NLGN1: variants seen among roughly 807,000 people sequenced by gnomAD.
The protein encoded by NLGN1 is neuroligin 1, also known as neuroligin-1.
A neutral mutation model predicts 65.5 loss-of-function variants in NLGN1; 12 were observed. That is an observed-to-expected ratio of 0.18 (90% CI 0.12 to 0.30). The LOEUF (loss-of-function observed/expected upper bound fraction) is 0.30, where lower values mean the gene tolerates loss of function less well. Ranked by LOEUF, NLGN1 falls within the 10% of genes least tolerant of loss-of-function variation. The probability of loss-of-function intolerance (pLI) is 1.00; values close to 1 mark genes in which losing one functional copy is unlikely to be tolerated. For synonymous variants in NLGN1, 350 were observed against 359.5 expected (o/e 0.97, Z 0.30); for missense variants, 750 against 1,007.1 (o/e 0.74, Z 3.46).
At chr3:173,702,777 GTGCAGTTAGGAGGAAAAAAA>G (rs1276471065) in intron 3 of NLGN1, among the ~76,000 whole-genome samples, 6 of 152,092 alleles carry the variant, frequency 3.9e-5, no homozygotes, top group African/African-American at 1.4e-4. Context: ...ACTAACTATT[GTGCAGTTAGGAGGAAAAAAA>G]GACTCCTCCG....
chr3:173,914,623 G>A (rs771260979), intron 4 of NLGN1, among the ~76,000 whole-genome samples: 3 of 152,050 alleles, frequency 2.0e-5, no homozygotes, highest in Admixed American at 6.6e-5. Flanking sequence ...TAGAGAATTC[G>A]TAGAGTATGT....
At chr3:173,947,123 G>A (rs968552116) in intron 4 of NLGN1, among the ~76,000 whole-genome samples, 2 of 148,898 alleles carry the variant, frequency 1.3e-5, no homozygotes, top group African/African-American at 2.5e-5. Flanking sequence ...GTGCAATGGC[G>A]TGATCTCGGC....
At chr3:173,897,010 T>C (rs1736459576) in intron 4 of NLGN1, among the ~76,000 whole-genome samples, 1 of 152,232 alleles carries the variant, frequency 6.6e-6, no homozygotes, top group Non-Finnish European at 1.5e-5. Context: ...TTGTTTCTTA[T>C]TCAACCTGTT....
chr3:173,567,015 A>C (rs940840106), intron 2 of NLGN1, among the ~76,000 whole-genome samples: 1 of 152,168 alleles, frequency 6.6e-6, no homozygotes, highest in South Asian at 2.1e-4. Flanking sequence ...AATGGATCTC[A>C]TGCTGTGCCC....
chr3:174,159,995 T>C (rs2152718435), intron 4 of NLGN1, among the ~76,000 whole-genome samples: 1 of 151,894 alleles, frequency 6.6e-6, no homozygotes, highest in African/African-American at 2.4e-5. Flanking sequence ...AGATTTTCTT[T>C]CTTATGCAAA....
chr3:174,134,030 T>C (rs1421978611), intron 4 of NLGN1, among the ~76,000 whole-genome samples: 2 of 152,122 alleles, frequency 1.3e-5, no homozygotes, highest in Non-Finnish European at 2.9e-5. Flanking sequence ...TTTTAGACTG[T>C]TAATAAGTTC....
At chr3:174,165,917 A>G (rs907673035) in intron 4 of NLGN1, among the ~76,000 whole-genome samples, 7 of 151,910 alleles carry the variant, frequency 4.6e-5, no homozygotes, top group African/African-American at 7.2e-5. Flanking sequence ...TCCTGATTCA[A>G]TCGTGGGAGA....
chr3:174,244,835 CGACATCTAATCTGT>C (rs1393944540), intron 4 of NLGN1, among the ~76,000 whole-genome samples: 1 of 152,118 alleles, frequency 6.6e-6, no homozygotes, highest in African/African-American at 2.4e-5. Context: ...TTTTCACAGA[CGACATCTAATCTGT>C]GAGTATAAAT....
chr3:174,041,511 AT>A (rs1265608042), intron 4 of NLGN1, among the ~76,000 whole-genome samples: 1 of 152,156 alleles, frequency 6.6e-6, no homozygotes, highest in Non-Finnish European at 1.5e-5. Context: ...TAGGAATGGA[AT>A]TGCTGTGAGA....
At chr3:173,828,843 T>G (rs917408131) in intron 4 of NLGN1, among the ~76,000 whole-genome samples, 1 of 152,038 alleles carries the variant, frequency 6.6e-6, no homozygotes, top group Non-Finnish European at 1.5e-5. Context: ...AACAGAAACT[T>G]GGCCTGTAAA....
At chr3:174,086,183 ATGTGTGTG>A (rs140331992) in intron 4 of NLGN1, among the ~76,000 whole-genome samples, 1 of 143,914 alleles carries the variant, frequency 6.9e-6, no homozygotes, top group Non-Finnish European at 1.5e-5. Context: ...AAGTATATAT[ATGTGTGTG>A]TGTGTGTGTG....
At chr3:173,889,682 C>T (rs2150968263) in intron 4 of NLGN1, among the ~76,000 whole-genome samples, 1 of 152,202 alleles carries the variant, frequency 6.6e-6, no homozygotes. Context: ...AAGAACACAG[C>T]AAACATAAGG....
intron 4 of NLGN1, among the ~76,000 whole-genome samples, chr3:174,242,549 A>G (rs1272798872): frequency 6.6e-6 from 1 of 152,028 alleles, no homozygotes; most frequent in Non-Finnish European, 1.5e-5. Context: ...TCTCATAGGA[A>G]CCTGAACCCA....
chr3:174,260,686 T>G (rs926293410), intron 4 of NLGN1, among the ~76,000 whole-genome samples: 2 of 144,854 alleles, frequency 1.4e-5, no homozygotes, highest in East Asian at 2.5e-4. Flanking sequence ...CTCTTTAGTT[T>G]AATTAGATCC....
At chr3:173,485,563 A>G (rs1033454353) in intron 2 of NLGN1, among the ~76,000 whole-genome samples, 1 of 152,156 alleles carries the variant, frequency 6.6e-6, no homozygotes, top group African/African-American at 2.4e-5. Flanking sequence ...GATTCTTTCC[A>G]TTTATGAACA....
At chr3:174,181,778 T>TACACACACACACAC (rs3035853) in intron 4 of NLGN1, among the ~76,000 whole-genome samples, 9,547 of 142,518 alleles carry the variant, frequency 0.067, 404 homozygotes, top group Middle Eastern at 0.095. Flanking sequence ...AAAATAAAAA[T>TACACACACACACAC]ACACACACAC....
intron 4 of NLGN1, among the ~76,000 whole-genome samples, chr3:173,908,648 G>A (rs1448881139): frequency 2.0e-5 from 3 of 152,128 alleles, no homozygotes; most frequent in Admixed American, 1.3e-4. Context: ...TACAGCCTAC[G>A]TGTAGCAACA....
At position 174,275,566 on chromosome 3, in the gene NLGN1, C is replaced by G. The variant is rs766394348; in HGVS notation, c.859+39C>G. The stretch of plus-strand genomic sequence containing the variant: ...TTGCAAATTTTGACAATTTTGGTGT[C>G]TGCATGCCACCACCATCAGTAGTAT... On this transcript the variant is annotated intron_variant, in intron 5 of 6. Coordinates refer to ENST00000457714, the Ensembl canonical transcript of NLGN1. 5 of 1,249,780 alleles carry G rather than the reference C, an allele frequency of 4.0e-6. No homozygotes were observed. The South Asian group carries it at 6.0e-5, about 15-fold the overall frequency. 77.4% of individuals were successfully genotyped at this position (1,249,780 alleles called of 1,614,324 possible).
chr3:174,167,984 T>A (rs1727846414), intron 4 of NLGN1, among the ~76,000 whole-genome samples: 1 of 152,140 alleles, frequency 6.6e-6, no homozygotes, highest in Non-Finnish European at 1.5e-5. Context: ...TTCTGTTTTT[T>A]TTCCAGTCTA....
Sources: allele counts gnomAD v4.1 joint callset (sites outside exome capture counted in the v4.1 genomes callset), GRCh38; gene constraint gnomAD v4.1.1; transcripts MANE v1.5; gene names NCBI Gene and HGNC (gene_info 2026-07-23, HGNC 2026-07-21).